The following PCDHGB1 variants were observed in gnomAD, a reference collection of about 807,000 sequenced individuals.
PCDHGB1 encodes the protein protocadherin gamma subfamily B, 1.
A neutral mutation model predicts 56.6 loss-of-function variants in PCDHGB1; 34 were observed. The observed-to-expected ratio is 0.60, with a 90% CI of 0.46 to 0.80. The LOEUF (loss-of-function observed/expected upper bound fraction) is 0.80, where lower values mean the gene tolerates loss of function less well. Among genes scored for constraint, PCDHGB1 ranks in the 30% least tolerant of loss-of-function variants. The probability of loss-of-function intolerance (pLI) is 0.00; values close to 1 mark genes in which losing one functional copy is unlikely to be tolerated. For missense variants in PCDHGB1, 1,278 were observed against 1,204.6 expected (o/e 1.06, Z -0.90); for synonymous variants, 561 against 505.9 (o/e 1.11, Z -1.46).
intron 1 of PCDHGB1, chr5:141,409,483 G>C: frequency 6.2e-7 from 1 of 1,613,944 alleles, no homozygotes; most frequent in Non-Finnish European, 8.5e-7. Context: ...CCACTGACAG[G>C]GGCAAGCCGC....
intron 1 of PCDHGB1, chr5:141,375,739 G>T (rs760131359): frequency 5.6e-6 from 9 of 1,614,126 alleles, no homozygotes; most frequent in East Asian, 4.5e-5. Context: ...GCCTGTTTGT[G>T]CTGGACCAGA....
intron 1 of PCDHGB1, chr5:141,426,908 G>C (rs1047101179): frequency 8.8e-6 from 4 of 456,612 alleles, no homozygotes; most frequent in African/African-American, 6.0e-5. Context: ...CTCATCTCCT[G>C]GTCCTGGAAG....
chr5:141,401,109 C>G (rs1389316272), intron 1 of PCDHGB1, among the ~76,000 whole-genome samples: 2 of 152,012 alleles, frequency 1.3e-5, no homozygotes, highest in African/African-American at 2.4e-5. Flanking sequence ...TTTGGGAGGC[C>G]GAGGCGGTTG....
At chr5:141,407,985 A>C in intron 1 of PCDHGB1, 6 of 789,616 alleles carry the variant, frequency 7.6e-6, no homozygotes, top group Non-Finnish European at 1.1e-5. Flanking sequence ...GGGATCCGTC[A>C]GCCTCTGGCC....
intron 1 of PCDHGB1, chr5:141,410,167 T>C (rs372848702): frequency 6.2e-7 from 1 of 1,613,652 alleles, no homozygotes; most frequent in African/African-American, 1.3e-5. Context: ...CGCCACTCTC[T>C]GCCACCGCCA....
intron 1 of PCDHGB1, chr5:141,384,294 C>G: frequency 6.2e-7 from 1 of 1,613,864 alleles, no homozygotes; most frequent in Non-Finnish European, 8.5e-7. Flanking sequence ...CTGAGAACAA[C>G]CCCAGAGGGG....
At chr5:141,496,928 G>A (rs2099772685) in intron 2 of PCDHGB1, among the ~76,000 whole-genome samples, 1 of 151,334 alleles carries the variant, frequency 6.6e-6, no homozygotes, top group Non-Finnish European at 1.5e-5. Context: ...GTTCACGCCT[G>A]TAATCCCAGC....
At position 141,432,009 on chromosome 5, in the gene PCDHGB1, G is replaced by T. The variant is rs1227754190; in HGVS notation, c.2410-62798G>T. ...GTCTTGGATAGGGAACAGGTTCCTAGCTACAACATCACAGTGACCGCCACT... is the reference window on the plus strand; with the variant it reads ...GTCTTGGATAGGGAACAGGTTCCTATCTACAACATCACAGTGACCGCCACT... On this transcript the variant is annotated intron_variant, in intron 1 of 3. Transcript: ENST00000523390. The surrounding 1 kb of genome is among the most constrained non-coding windows in gnomAD (Gnocchi z 6.0). 1 of 1,614,070 alleles carries T rather than the reference G, an allele frequency of 6.2e-7. No homozygotes were observed. The highest frequency in any genetic ancestry group is 8.5e-7 in the Non-Finnish European group (1 of 1,180,032).
In PCDHGB1 at chr5:141,372,623, C is replaced by T. The variant is rs1024329977; in HGVS notation, c.2409+19954C>T. The T allele has an allele frequency of 6.8e-6, 11 of 1,613,878 alleles. No homozygotes were observed. In the Admixed American group the frequency reaches 1.2e-4, roughly 17 times the overall value. ...CTGTACCTGGAGTTCTCCCCACCTA[C>T]AGCGAAAGGACTTTGCCTTATTCCT... is the stretch of plus-strand genomic sequence containing the variant. On this transcript the variant is annotated intron_variant, in intron 1 of 3. Transcript: ENST00000523390.
intron 2 of PCDHGB1, among the ~76,000 whole-genome samples, chr5:141,504,859 C>T (rs1396681670): frequency 6.6e-6 from 1 of 152,090 alleles, no homozygotes; most frequent in African/African-American, 2.4e-5. Context: ...TCTTCCATTT[C>T]CCACCTTCAC....
chr5:141,366,205 G>T (rs1203198525), intron 1 of PCDHGB1: 2 of 1,613,726 alleles, frequency 1.2e-6, no homozygotes, highest in Non-Finnish European at 1.7e-6. Flanking sequence ...ACACGGGCGA[G>T]GTGCGCACAG....
At chr5:141,417,897 C>T (rs2096182334) in intron 1 of PCDHGB1, 1 of 1,578,084 alleles carries the variant, frequency 6.3e-7, no homozygotes, top group African/African-American at 1.4e-5. Context: ...CGGGCCGGCC[C>T]GCGGCAGGTA....
In PCDHGB1 at chr5:141,476,254, T is replaced by C; in HGVS notation, c.2410-18553T>C. 1.2e-6 allele frequency: 2 copies of C among 1,613,820 alleles called. No individual in the cohort carries two copies. Among genetic ancestry groups the C allele is most frequent in the Non-Finnish European group, 8.5e-7 (1 of 1,179,976 alleles). On this transcript the variant is annotated intron_variant, in intron 1 of 3. Transcript: ENST00000523390. The surrounding 1 kb of genome is among the most constrained non-coding windows in gnomAD (Gnocchi z 7.6). ...CGGAGGAAAGAGAGAAGGGTTTCGCTGTGGGCAACGTGGTCGCGAACCTTG... is the reference window on the plus strand; with the variant it reads ...CGGAGGAAAGAGAGAAGGGTTTCGCCGTGGGCAACGTGGTCGCGAACCTTG...
chr5:141,431,411 G>A lies in PCDHGB1; in HGVS notation c.2410-63396G>A. On this transcript the variant is annotated intron_variant, in intron 1 of 3. Coordinates refer to ENST00000523390, the MANE Select transcript of PCDHGB1 (RefSeq NM_018922.3). This position sits in a 1 kb window ranked among gnomAD's most constrained non-coding sequence, Gnocchi z 4.8. ...CCTGGTCCTTACGGCCTCCGACGGG[G>A]GCGACCCGGTGCGCACAGGCACCGC... 3 of 1,613,728 alleles carry A rather than the reference G, an allele frequency of 1.9e-6. No individual in the cohort carries two copies. The highest frequency in any genetic ancestry group is 2.5e-6 in the Non-Finnish European group (3 of 1,180,038).
intron 1 of PCDHGB1, chr5:141,365,387 ACC>A (rs1763882130): frequency 6.2e-7 from 1 of 1,613,814 alleles, no homozygotes; most frequent in African/African-American, 1.3e-5. Context: ...CACCTCTCTG[ACC>A]AGTTCGATCT....
At chr5:141,408,008 C>A in intron 1 of PCDHGB1, 2 of 949,842 alleles carry the variant, frequency 2.1e-6, no homozygotes, top group Non-Finnish European at 3.0e-6. Context: ...GGATTCCCTG[C>A]GCAGCCAACA....
rs926009065 is a variant in PCDHGB1, at chr5:141,488,023, AG to A, written c.2410-6782del. ...TCAGATTCTGAAGTACCTTAACTCT[AG>A]GTTACCATTTCCCAAGGGATTGAGG... On this transcript the variant is annotated intron_variant, in intron 1 of 3. Transcript: ENST00000523390. 1.4e-3 allele frequency among the ~76,000 whole-genome samples: 213 copies of A among 152,260 alleles called. 1 individual carries two copies. The highest frequency in any genetic ancestry group is 5.0e-3 in the African/African-American group (208 of 41,542).
At chr5:141,427,898 C>T in intron 1 of PCDHGB1, 4 of 1,570,874 alleles carry the variant, frequency 2.5e-6, no homozygotes, top group African/African-American at 1.3e-5. Flanking sequence ...AGGGCTCGCC[C>T]GCGCTCAGCG....
At chr5:141,434,119 C>T (rs2097673106) in intron 1 of PCDHGB1, among the ~76,000 whole-genome samples, 1 of 152,180 alleles carries the variant, frequency 6.6e-6, no homozygotes, top group Non-Finnish European at 1.5e-5. Flanking sequence ...GCCTTTGGGA[C>T]TCCCTTTAGG....
Sources: gnomAD v4.1 joint callset for allele counts (sites outside exome capture counted in the v4.1 genomes callset) on GRCh38, gnomAD v4.1.1 for gene constraint, Gnocchi (gnomAD v3.1) non-coding constraint, MANE v1.5 for transcripts, NCBI Gene and HGNC (gene_info 2026-07-23, HGNC 2026-07-21) for gene names.